The following ST3GAL6 variants were observed in gnomAD, a reference collection of about 807,000 sequenced individuals.
ST3GAL6 encodes ST3 beta-galactoside alpha-2,3-sialyltransferase 6.
In ST3GAL6, 31 loss-of-function variants were observed where a neutral mutation model predicts 40.5. The observed-to-expected ratio is 0.77, with a 90% CI of 0.58 to 1.03. The LOEUF is 1.03. Ranked by LOEUF, ST3GAL6 falls within the 50% of genes least tolerant of loss-of-function variation. The probability of loss-of-function intolerance (pLI) is 0.00; values close to 1 mark genes in which losing one functional copy is unlikely to be tolerated. For synonymous variants in ST3GAL6, 129 were observed against 136.9 expected (o/e 0.94, Z 0.40); for missense variants, 357 against 393.2 (o/e 0.91, Z 0.78).
At chr3:98,745,330 G>C (rs963237983) in intron 1 of ST3GAL6, among the ~76,000 whole-genome samples, 1 of 152,176 alleles carries the variant, frequency 6.6e-6, no homozygotes, top group Non-Finnish European at 1.5e-5. Context: ...CACTGCGCCT[G>C]TGAACTTATC....
chr3:98,786,505 G>A (rs1183740073), intron 6 of ST3GAL6, among the ~76,000 whole-genome samples: 1 of 152,108 alleles, frequency 6.6e-6, no homozygotes, highest in Admixed American at 6.5e-5. Context: ...CCCAATAAAA[G>A]CAGGCTTAGA....
At chr3:98,747,675 G>A (rs1448424707) in intron 1 of ST3GAL6, among the ~76,000 whole-genome samples, 1 of 152,124 alleles carries the variant, frequency 6.6e-6, no homozygotes, top group Non-Finnish European at 1.5e-5. Context: ...GAATGAACCA[G>A]ATCTTTAGGC....
At chr3:98,760,719 C>T (rs1215667102), upstream of ST3GAL6, among the ~76,000 whole-genome samples, 1 of 152,004 alleles carries the variant, frequency 6.6e-6, no homozygotes, top group Admixed American at 6.6e-5. Flanking sequence ...ACCATATGGC[C>T]CATGAAAACG....
Position 98,770,910 on chromosome 3 carries a change from A to C in ST3GAL6, c.121A>C (p.Lys41Gln). ...ACCTGTGGAAATGAAACGGAGAAATAAGATCCAGCCTTGTTTATCAAAGCC... is the reference window on the plus strand; with the variant it reads ...ACCTGTGGAAATGAAACGGAGAAATCAGATCCAGCCTTGTTTATCAAAGCC... The part of the protein sequence containing the change: ...VAPVEMKRRN[K>Q]IQPCLSKPAF... The change falls in exon 3 of 10, where the codon AAG becomes CAG. Residue 41 changes from lysine to glutamine, a missense_variant. Lys to Gln is a moderately conservative substitution (Grantham distance 53). Transcript: ENST00000483910. 6.2e-7 allele frequency: 1 copy of C among 1,614,166 alleles called. No homozygotes were observed. Among genetic ancestry groups the C allele is most frequent in the South Asian group, 1.1e-5 (1 of 91,088 alleles).
chr3:98,788,854 AAAG>A (rs375687968), intron 8 of ST3GAL6, among the ~76,000 whole-genome samples: 4 of 152,340 alleles, frequency 2.6e-5, no homozygotes, highest in African/African-American at 9.6e-5. Flanking sequence ...TGCAGGCTAA[AAAG>A]AAGTGTCTGA....
exon 1 of ST3GAL6, chr3:98,732,504 G>A: frequency 4.8e-6 from 1 of 208,516 alleles, no homozygotes; most frequent in Non-Finnish European, 9.6e-6. Flanking sequence ...CGGCGAGGGC[G>A]CGCGGCTGGT....
intron 1 of ST3GAL6, among the ~76,000 whole-genome samples, chr3:98,754,227 G>T (rs1937247138): frequency 6.6e-6 from 1 of 152,178 alleles, no homozygotes; most frequent in South Asian, 2.1e-4. Flanking sequence ...TGATTTATGG[G>T]AGGTCAAAAT....
At chr3:98,748,558 G>A (rs187950837) in intron 1 of ST3GAL6, among the ~76,000 whole-genome samples, 7 of 152,200 alleles carry the variant, frequency 4.6e-5, no homozygotes, top group Non-Finnish European at 7.4e-5. Flanking sequence ...CTCCGCCTCC[G>A]GGTTTAAGCG....
Position 98,791,986 on chromosome 3 carries a change from T to C in ST3GAL6, c.902T>C (p.Met301Thr), listed in dbSNP as rs769867873. The change falls in exon 9 of 10, where the codon ATG (methionine) becomes ACG (threonine). Residue 301 changes from methionine to threonine, a missense_variant. Met to Thr is a moderately conservative substitution (Grantham distance 81). Coordinates refer to ENST00000483910, the MANE Select transcript of ST3GAL6 (RefSeq NM_001323368.2). ...HYYGNATMSL[M>T]NKNAYHNVTA... ...TATGGGAATGCCACCATGTCTTTGATGAATAAGGTAATATACTGTACTTTA... is the reference window on the plus strand; with the variant it reads ...TATGGGAATGCCACCATGTCTTTGACGAATAAGGTAATATACTGTACTTTA... 6.2e-7 allele frequency: 1 copy of C among 1,613,222 alleles called. No homozygotes were observed. The highest frequency in any genetic ancestry group is 8.5e-7 in the Non-Finnish European group (1 of 1,179,560).
At chr3:98,745,635 A>G (rs1037656595) in intron 1 of ST3GAL6, among the ~76,000 whole-genome samples, 1 of 152,214 alleles carries the variant, frequency 6.6e-6, no homozygotes, top group African/African-American at 2.4e-5. Context: ...ATTTTTAAAA[A>G]TCACCAACTT....
At chr3:98,792,119 G>C in intron 9 of ST3GAL6, 126 bp downstream of exon 9, 2 of 895,094 alleles carry the variant, frequency 2.2e-6, no homozygotes, top group African/African-American at 3.4e-5. Context: ...TTGAGGGCTT[G>C]ATGGTGATTA....
chr3:98,746,353 T>C (rs1437410491), intron 1 of ST3GAL6, among the ~76,000 whole-genome samples: 1 of 152,086 alleles, frequency 6.6e-6, no homozygotes, highest in Non-Finnish European at 1.5e-5. Context: ...CCAAACAGAC[T>C]CCATTGTAAC....
rs1246054794 is a variant in ST3GAL6 at position 98,763,698 on chromosome 3, G to C, written c.-12+259G>C. On this transcript the variant is annotated intron_variant, in intron 1 of 9. Coordinates refer to ENST00000483910, the MANE Select transcript of ST3GAL6 (RefSeq NM_001323368.2). The stretch of plus-strand genomic sequence containing the variant: ...GGGAACAGAAGGGTGCCTCACCCCA[G>C]GGCAGATGGGGACATGGTTTAGGAT... Among the ~76,000 whole-genome samples, 2 of 150,406 alleles carry C rather than the reference G, an allele frequency of 1.3e-5. 1 individual carries two copies. The highest frequency in any genetic ancestry group is 4.2e-4 in the South Asian group (2 of 4,768).
At chr3:98,743,000 CTTTTTTTTTTT>C (rs71120599) in intron 1 of ST3GAL6, among the ~76,000 whole-genome samples, 5 of 89,484 alleles carry the variant, frequency 5.6e-5, no homozygotes, top group East Asian at 6.4e-4. Context: ...ATGCCAGGCT[CTTTTTTTTTTT>C]TTTTTTTTTT....
In ST3GAL6 at chr3:98,788,331, TA is replaced by T; in HGVS notation, c.626del (p.Asn209MetfsTer9). 2.5e-6 allele frequency: 4 copies of T among 1,606,826 alleles called. No homozygotes were observed. Among genetic ancestry groups the T allele is most frequent in the Non-Finnish European group, 3.4e-6 (4 of 1,177,740 alleles). On this transcript the variant is annotated frameshift_variant, in exon 8 of 10. Coordinates refer to ENST00000483910, the MANE Select transcript of ST3GAL6 (RefSeq NM_001323368.2). LOFTEE classifies it high-confidence loss of function. ...ELLMGDKINT[N>X]GFWKKPALNL... ...TCTATATTTTTTACTTTCAGAACAC[TA>T]ATGGTTTTTGGAAGAAACCAGCCTT... is the stretch of plus-strand genomic sequence containing the variant.
intron 1 of ST3GAL6, chr3:98,732,567 A>G (rs1054506662): frequency 1.8e-5 from 6 of 334,032 alleles, no homozygotes; most frequent in Non-Finnish European, 3.3e-5. Flanking sequence ...CTGGTCCCCA[A>G]CGCCTCACCC....
At chr3:98,769,971 A>G (rs1938793017) in intron 2 of ST3GAL6, among the ~76,000 whole-genome samples, 2 of 152,160 alleles carry the variant, frequency 1.3e-5, no homozygotes, top group Admixed American at 6.5e-5. Flanking sequence ...GGTATTCACA[A>G]AAGATGTTTT....
chr3:98,749,247 A>T lies in ST3GAL6; in HGVS notation c.-12+16715A>T, dbSNP rs1218512809. On this transcript the variant is annotated intron_variant, in intron 1 of 9. Transcript: ENST00000265261. Reference sequence around the variant, plus strand: ...ACTGGTTTTAGGAAATAAATCTAGGATTGTTTCATTTCATAAAAAAATCTA... The same window carrying T: ...ACTGGTTTTAGGAAATAAATCTAGGTTTGTTTCATTTCATAAAAAAATCTA... Among the ~76,000 whole-genome samples, 3 of 152,018 alleles carry T rather than the reference A, an allele frequency of 2.0e-5. No homozygotes were observed. In the East Asian group the frequency reaches 5.8e-4, roughly 29 times the overall value.
At chr3:98,747,863 A>G (rs1476413637) in intron 1 of ST3GAL6, among the ~76,000 whole-genome samples, 1 of 152,210 alleles carries the variant, frequency 6.6e-6, no homozygotes, top group Non-Finnish European at 1.5e-5. Flanking sequence ...GGGACTGACT[A>G]TGTATCAAAT....
Sources: gnomAD v4.1 joint callset for allele counts (sites outside exome capture counted in the v4.1 genomes callset) on GRCh38, gnomAD v4.1.1 for gene constraint, MANE v1.5 for transcripts, NCBI Gene and HGNC (gene_info 2026-07-23, HGNC 2026-07-21) for gene names.